Variants in LY96 observed in about 807,000 individuals in gnomAD.
The protein encoded by LY96 is myeloid differentiation protein-2.
In LY96, 18 loss-of-function variants were observed where a neutral mutation model predicts 18.9. The ratio of observed to expected loss-of-function variants is 0.95; its 90% CI spans 0.66 to 1.41. LY96 has a LOEUF of 1.41. Among genes scored for constraint, LY96 ranks in the 40% most tolerant of loss-of-function variants. LY96 has a pLI of 0.00. For synonymous variants in LY96, 66 were observed against 62.6 expected, an observed-to-expected ratio of 1.06 and a Z score of -0.26; for missense variants, 175 against 182.4, an observed-to-expected ratio of 0.96 and a Z score of 0.23.
the LY96 span, among the ~76,000 whole-genome samples, chr8:74,037,486 G>A: frequency 0.013 from 2,031 of 152,014 alleles, 30 homozygotes; most frequent in East Asian, 0.039. Flanking sequence ...ATAAAAATTA[G>A]CCAAGCATCG....
At chr8:74,008,104 G>A (rs1816452912) in intron 2 of LY96, among the ~76,000 whole-genome samples, 1 of 152,122 alleles carries the variant, frequency 6.6e-6, no homozygotes, top group Admixed American at 6.6e-5. Context: ...GACATCCCCA[G>A]CCTGCTGAGC....
intron 2 of LY96, among the ~76,000 whole-genome samples, chr8:74,009,374 CAAAAAAAAAAAAA>C (rs370593442): frequency 3.4e-5 from 2 of 58,846 alleles, no homozygotes; most frequent in East Asian, 6.3e-4. Context: ...CAGTCTTTCT[CAAAAAAAAAAAAA>C]AAAAAAAAAA....
chr8:74,042,832 A>G, the LY96 span, among the ~76,000 whole-genome samples: 5 of 150,520 alleles, frequency 3.3e-5, no homozygotes, highest in Non-Finnish European at 7.4e-5. Flanking sequence ...GCTGGAGTGC[A>G]GTGGCGTGAG....
At chr8:74,004,934 T>C in intron 2 of LY96, 49 bp downstream of exon 2, 1 of 1,536,166 alleles carries the variant, frequency 6.5e-7, no homozygotes, top group Non-Finnish European at 9.0e-7. Flanking sequence ...AGTTAAGAAA[T>C]ATCAGTGATA....
chr8:74,078,091 G>C, the LY96 span, among the ~76,000 whole-genome samples: 1 of 147,118 alleles, frequency 6.8e-6, no homozygotes, highest in African/African-American at 2.6e-5. Context: ...CCGAGTGACA[G>C]AGCAAGACCC....
chr8:74,022,072 T>TA (rs113275856), intron 3 of LY96, among the ~76,000 whole-genome samples: 7,858 of 147,974 alleles, frequency 0.053, 682 homozygotes, highest in African/African-American at 0.18. Context: ...AAGTATAATT[T>TA]AAAAAAAAAA....
At chr8:73,991,627 C>T (rs1816006542) in intron 1 of LY96, 73 bp downstream of exon 1, 7 of 882,350 alleles carry the variant, frequency 7.9e-6, no homozygotes, top group South Asian at 6.6e-5. Flanking sequence ...GAACCGTACA[C>T]TGTTGTGGCT....
chr8:74,091,775 C>A, the LY96 span, among the ~76,000 whole-genome samples: 1 of 152,184 alleles, frequency 6.6e-6, no homozygotes, highest in Non-Finnish European at 1.5e-5. Flanking sequence ...AAGGGGCAAA[C>A]GCTCTAACTG....
chr8:74,080,793 A>G, the LY96 span, among the ~76,000 whole-genome samples: 2 of 152,168 alleles, frequency 1.3e-5, no homozygotes, highest in African/African-American at 2.4e-5. Flanking sequence ...TTCTCCAGGG[A>G]CCATCAGCTC....
chr8:74,082,914 G>T, the LY96 span, among the ~76,000 whole-genome samples: 788 of 152,268 alleles, frequency 5.2e-3, 9 homozygotes, highest in African/African-American at 0.018. Flanking sequence ...TATAGGAAGG[G>T]TACTTTTCAA....
chr8:74,007,153 G>A (rs185328361), intron 2 of LY96, among the ~76,000 whole-genome samples: 3 of 152,304 alleles, frequency 2.0e-5, no homozygotes, highest in Non-Finnish European at 2.9e-5. Context: ...CATGACAGGC[G>A]GGAGTAGCCT....
At chr8:74,081,808 C>A in the LY96 span, among the ~76,000 whole-genome samples, 33 of 152,132 alleles carry the variant, frequency 2.2e-4, no homozygotes, top group Admixed American at 1.5e-3. Context: ...TGTGCACCAC[C>A]ATCCCCAGCT....
the LY96 span, among the ~76,000 whole-genome samples, chr8:74,073,387 G>GAA: frequency 6.6e-6 from 1 of 152,328 alleles, no homozygotes; most frequent in African/African-American, 2.4e-5. Flanking sequence ...CTTTCTCACA[G>GAA]ATGATCTCAT....
At chr8:74,018,456 T>A (rs535080790) in intron 3 of LY96, among the ~76,000 whole-genome samples, 313 of 152,174 alleles carry the variant, frequency 2.1e-3, no homozygotes, top group African/African-American at 7.3e-3. Context: ...AGACTTAGAC[T>A]CCCACACAAT....
chr8:74,052,809 G>A, the LY96 span, among the ~76,000 whole-genome samples: 1 of 152,212 alleles, frequency 6.6e-6, no homozygotes, highest in Non-Finnish European at 1.5e-5. Flanking sequence ...GATAGAGTAG[G>A]ATGGATACTA....
Position 74,009,989 on chromosome 8 carries a change from T to C in LY96, c.203-12T>C. Reference sequence around the variant, plus strand: ...ACTATTTGAGGGCCTAATGGGATTTTTTCTTTTAAAGGGAGAGATTTAAAG... The same window carrying C: ...ACTATTTGAGGGCCTAATGGGATTTCTTCTTTTAAAGGGAGAGATTTAAAG... On this transcript the variant is annotated splice_polypyrimidine_tract_variant and intron_variant, in intron 2 of 4. Transcript: ENST00000284818. The C allele has an allele frequency of 6.3e-7, 1 of 1,582,276 alleles. No homozygotes were observed.
At chr8:74,020,501 A>T (rs1439639511) in intron 3 of LY96, among the ~76,000 whole-genome samples, 1 of 152,208 alleles carries the variant, frequency 6.6e-6, no homozygotes, top group Non-Finnish European at 1.5e-5. Flanking sequence ...TGCCCAAGGT[A>T]ATTTATAGAT....
chr8:74,069,536 C>A, the LY96 span, among the ~76,000 whole-genome samples: 5,711 of 152,266 alleles, frequency 0.038, 262 homozygotes, highest in African/African-American at 0.099. Flanking sequence ...ATCTACCATC[C>A]ACCTAACACT....
chr8:74,088,578 C>T, the LY96 span, among the ~76,000 whole-genome samples: 2 of 152,034 alleles, frequency 1.3e-5, no homozygotes, highest in Admixed American at 1.3e-4. Flanking sequence ...ACTGGGAACC[C>T]TCCTGAGTAT....
Sources: allele counts gnomAD v4.1 joint callset (sites outside exome capture counted in the v4.1 genomes callset), GRCh38; gene constraint gnomAD v4.1.1; transcripts MANE v1.5; gene names NCBI Gene and HGNC (gene_info 2026-07-23, HGNC 2026-07-21).